The following GLT1D1 variants were observed in gnomAD, a reference collection of about 807,000 sequenced individuals.
The protein encoded by GLT1D1 is glycosyltransferase 1 domain containing 1.
GLT1D1 carries 21 observed loss-of-function variants against 28.7 expected under a neutral mutation model. The observed-to-expected ratio is 0.73, with a 90% CI of 0.52 to 1.05. The LOEUF is 1.05. GLT1D1 is among the 50% of genes least tolerant of loss of function. GLT1D1 has a pLI of 0.00. For missense variants in GLT1D1, 343 were observed against 330.6 expected (o/e 1.04, Z -0.29); for synonymous variants, 147 against 124.8 (o/e 1.18, Z -1.19).
At chr12:128,875,479 C>T (rs1956848702) in intron 1 of GLT1D1, among the ~76,000 whole-genome samples, 1 of 152,052 alleles carries the variant, frequency 6.6e-6, no homozygotes, top group Non-Finnish European at 1.5e-5. Flanking sequence ...GTAAATAAGT[C>T]ATCTTGTGGA....
intron 4 of GLT1D1, among the ~76,000 whole-genome samples, chr12:128,900,091 C>T (rs955841825): frequency 2.6e-5 from 4 of 152,238 alleles, no homozygotes; most frequent in South Asian, 2.1e-4. Context: ...GGGAACTTAA[C>T]TGAATTCCCA....
intron 2 of GLT1D1, among the ~76,000 whole-genome samples, chr12:128,876,327 G>A (rs1179953413): frequency 6.6e-6 from 1 of 151,738 alleles, no homozygotes; most frequent in Non-Finnish European, 1.5e-5. Context: ...GTTTTTTTGG[G>A]ACAGGGTCTC....
intron 4 of GLT1D1, among the ~76,000 whole-genome samples, chr12:128,901,991 C>T (rs2135859358): frequency 6.6e-6 from 1 of 151,750 alleles, no homozygotes; most frequent in East Asian, 1.9e-4. Context: ...TGAAGGCTTT[C>T]CTGATGAAAT....
At chr12:128,855,522 C>T (rs1019772428) in intron 1 of GLT1D1, among the ~76,000 whole-genome samples, 10 of 152,046 alleles carry the variant, frequency 6.6e-5, no homozygotes, top group African/African-American at 2.4e-4. Flanking sequence ...AGTGACATTG[C>T]ACCACTGAAC....
intron 4 of GLT1D1, 27 bp from the exon 5 acceptor site, chr12:128,912,397 C>G (rs994735942): frequency 6.7e-7 from 1 of 1,496,710 alleles, no homozygotes; most frequent in African/African-American, 1.4e-5. Flanking sequence ...ATGTACTTTT[C>G]TTTTCTCTCT....
At chr12:128,861,336 C>A (rs1956366497) in intron 1 of GLT1D1, among the ~76,000 whole-genome samples, 1 of 152,200 alleles carries the variant, frequency 6.6e-6, no homozygotes, top group Non-Finnish European at 1.5e-5. Flanking sequence ...TATTTCCTCT[C>A]TGTCTGCTTC....
intron 1 of GLT1D1, among the ~76,000 whole-genome samples, chr12:128,862,983 G>A (rs149853839): frequency 1.1e-3 from 170 of 152,286 alleles, no homozygotes; most frequent in African/African-American, 3.8e-3. Flanking sequence ...TCCAGAGGGC[G>A]TAGGGTCCAA....
chr12:128,907,600 C>T (rs748014046), intron 4 of GLT1D1, among the ~76,000 whole-genome samples: 6 of 152,160 alleles, frequency 3.9e-5, no homozygotes, highest in Non-Finnish European at 8.8e-5. Flanking sequence ...CCACCGTGCC[C>T]CGCCACTAAT....
intron 4 of GLT1D1, among the ~76,000 whole-genome samples, chr12:128,901,868 C>G (rs371768980): frequency 6.6e-6 from 1 of 151,602 alleles, no homozygotes; most frequent in African/African-American, 2.4e-5. Flanking sequence ...CCACCTCGGC[C>G]TCCCAAAGTG....
At chr12:128,858,787 T>C (rs1366788890) in intron 1 of GLT1D1, among the ~76,000 whole-genome samples, 1 of 152,096 alleles carries the variant, frequency 6.6e-6, no homozygotes, top group African/African-American at 2.4e-5. Context: ...GAGGAAAAAT[T>C]TGTCATTTAT....
chr12:128,889,136 CAA>C, intron 3 of GLT1D1, among the ~76,000 whole-genome samples: 1 of 151,712 alleles, frequency 6.6e-6, no homozygotes, highest in Non-Finnish European at 1.5e-5. Context: ...GCCCTCTTTT[CAA>C]AAAAACAAGT....
At chr12:128,955,986 C>T (rs1441649002) in intron 6 of GLT1D1, among the ~76,000 whole-genome samples, 2 of 151,106 alleles carry the variant, frequency 1.3e-5, no homozygotes, top group Non-Finnish European at 2.9e-5. Flanking sequence ...AGTGAAACCC[C>T]ATCTCTACTA....
At chr12:128,872,781 A>G (rs1956731391) in intron 1 of GLT1D1, among the ~76,000 whole-genome samples, 1 of 152,092 alleles carries the variant, frequency 6.6e-6, no homozygotes, top group East Asian at 1.9e-4. Context: ...CACACCTCAA[A>G]CAATTTAAAA....
At position 128,983,992 on chromosome 12, in the gene GLT1D1, C is replaced by T. The variant is rs900143759; in HGVS notation, c.*902C>T. ...CGCGCCATCATGGTAATGGTGGCCT[C>T]GCCCCATCCATGTCATCCATGTCAC... On this transcript the variant is annotated 3_prime_UTR_variant, in exon 8 of 8. Transcript: ENST00000281703. The surrounding 1 kb of genome is among the most constrained non-coding windows in gnomAD (Gnocchi z 4.7). The T allele has an allele frequency of 8.5e-5, 13 of 152,276 alleles. No individual in the cohort carries two copies. The highest frequency in any genetic ancestry group is 3.9e-4 in the East Asian group (2 of 5,194). The allele number at this position is 152,276 out of a possible 1,614,324, so 9.4% of individuals were successfully genotyped here. A position where few individuals can be genotyped will look rare whatever the true frequency, so the allele number is the denominator to read the frequency against.
chr12:128,900,339 G>A (rs891311678), intron 4 of GLT1D1, among the ~76,000 whole-genome samples: 3 of 152,182 alleles, frequency 2.0e-5, no homozygotes, highest in African/African-American at 7.2e-5. Context: ...TCATTTGTAG[G>A]CTCTGCCCAT....
At chr12:128,945,158 C>CGG in intron 4 of GLT1D1, 168 bp from the exon 9 acceptor site, 1 of 757,528 alleles carries the variant, frequency 1.3e-6, no homozygotes. Context: ...TTGCCCGAGC[C>CGG]GGGGGCCCCC....
intron 4 of GLT1D1, among the ~76,000 whole-genome samples, chr12:128,941,905 C>CTTTTTTTTTTTTTTTT (rs60663875): frequency 2.7e-5 from 2 of 75,364 alleles, no homozygotes; most frequent in African/African-American, 5.5e-5. Flanking sequence ...CTCTCTCTCT[C>CTTTTTTTTTTTTTTTT]TTTTTTTTTT....
At chr12:128,906,678 C>T (rs1217318816) in intron 4 of GLT1D1, among the ~76,000 whole-genome samples, 1 of 150,982 alleles carries the variant, frequency 6.6e-6, no homozygotes, top group African/African-American at 2.4e-5. Context: ...TTTGCAAAGG[C>T]TAAGTTTTCA....
chr12:128,879,462 T>TTTC (rs1555262493), intron 2 of GLT1D1, among the ~76,000 whole-genome samples: 34 of 85,916 alleles, frequency 4.0e-4, no homozygotes, highest in Middle Eastern at 5.1e-3. Context: ...TTCTTTCTTT[T>TTTC]TTTTGGGGGG....
Sources: gnomAD v4.1 joint callset for allele counts (sites outside exome capture counted in the v4.1 genomes callset) on GRCh38, gnomAD v4.1.1 for gene constraint, Gnocchi (gnomAD v3.1) non-coding constraint, MANE v1.5 for transcripts, NCBI Gene and HGNC (gene_info 2026-07-23, HGNC 2026-07-21) for gene names.